Variants in COL1A1 observed in about 807,000 individuals in gnomAD.
COL1A1 encodes the protein collagen alpha-1(I) chain.
A neutral mutation model predicts 195.7 loss-of-function variants in COL1A1; 21 were observed. The observed-to-expected ratio is 0.11, with a 90% CI of 0.08 to 0.15. The LOEUF (loss-of-function observed/expected upper bound fraction) is 0.15. Ranked by LOEUF, COL1A1 falls within the 10% of genes least tolerant of loss-of-function variation. The pLI is 1.00. For synonymous variants in COL1A1, 749 were observed against 747.3 expected (o/e 1.00, Z -0.04); for missense variants, 1,365 against 2,051.0 (o/e 0.67, Z 6.46).
Position 50,195,497 on chromosome 17 carries a change from A to G in COL1A1, c.1156-19T>C. On this transcript the variant is annotated intron_variant, in intron 17 of 50. Coordinates refer to ENST00000225964, the MANE Select transcript of COL1A1 (RefSeq NM_000088.4). This position sits in a 1 kb window ranked among gnomAD's most constrained non-coding sequence, Gnocchi z 4.3. ...GGTTTCCCTGTGGCACAGAGAAAGG[A>G]GTGTCAGCAACAGGCAAGGACTCTG... The G allele has an allele frequency of 6.2e-7, 1 of 1,614,014 alleles. No individual in the cohort carries two copies. Among genetic ancestry groups the G allele is most frequent in the South Asian group, 1.1e-5 (1 of 91,070 alleles).
chr17:50,192,975 A>G lies in COL1A1; in HGVS notation c.1821+19T>C, dbSNP rs372792588. 3 of 1,613,386 alleles carry G rather than the reference A, an allele frequency of 1.9e-6. No homozygotes were observed. In the African/African-American group the frequency reaches 4.0e-5, roughly 22 times the overall value. ...GGGCAGCAATGGGAAGGAGGTAGGGATGGAAAGGAGATACTTACGACAGCG... is the reference window on the plus strand; with the variant it reads ...GGGCAGCAATGGGAAGGAGGTAGGGGTGGAAAGGAGATACTTACGACAGCG... On this transcript the variant is annotated intron_variant, in intron 26 of 50. Coordinates refer to ENST00000225964, the MANE Select transcript of COL1A1 (RefSeq NM_000088.4).
At chr17:50,187,711 C>A in intron 45 of COL1A1, 165 bp downstream of exon 45, 2 of 903,878 alleles carry the variant, frequency 2.2e-6, no homozygotes, top group Non-Finnish European at 3.5e-6. Flanking sequence ...CTCTGTGTAC[C>A]CCTCACCCTC....
rs968606802 is a variant in COL1A1, at chr17:50,197,734, C to T, written c.694G>A (p.Asp232Asn). The change falls in exon 9 of 51, where the codon GAT becomes AAT. Residue 232 changes from aspartate to asparagine, a missense_variant and splice_region_variant. By Grantham distance (23) the Asp-to-Asn change is conservative. Transcript: ENST00000225964. ...PPGPPGKNGD[D>N]GEAGKPGRPG... Reference sequence around the variant, plus strand: ...ATCTTCTTGCTGGGGATACTTACATCATCTCCATTCTTTCCAGGGGGACCT... The same window carrying T: ...ATCTTCTTGCTGGGGATACTTACATTATCTCCATTCTTTCCAGGGGGACCT... 1 of 1,587,876 alleles carries T rather than the reference C, an allele frequency of 6.3e-7. No individual in the cohort carries two copies. The highest frequency in any genetic ancestry group is 1.4e-5 in the African/African-American group (1 of 73,020).
rs1907070753 is a variant in COL1A1, at chr17:50,191,459, C to T, written c.2159G>A (p.Ser720Asn). The change falls in exon 32 of 51, where the codon AGC (serine) becomes AAC (asparagine). Residue 720 changes from serine (S) to asparagine (N), a missense_variant. By Grantham distance (46) the Ser-to-Asn change is conservative (BLOSUM62 1). Coordinates refer to ENST00000225964, the MANE Select transcript of COL1A1 (RefSeq NM_000088.4). ...GDAGAPGAPG[S>N]QGAPGLQGMP... ...TCCCTGAAGGCCAGGGGCGCCCTGGCTACCGGGAGCTCCAGGGGCACCAGC... is the reference window on the plus strand; with the variant it reads ...TCCCTGAAGGCCAGGGGCGCCCTGGTTACCGGGAGCTCCAGGGGCACCAGC... The T allele has an allele frequency of 1.9e-6, 3 of 1,606,200 alleles. No homozygotes were observed. Among genetic ancestry groups the T allele is most frequent in the African/African-American group, 1.3e-5 (1 of 74,420 alleles).
At chr17:50,192,357 T>C (rs923621926) in intron 29 of COL1A1, 118 bp downstream of exon 29, 2 of 1,210,888 alleles carry the variant, frequency 1.7e-6, no homozygotes, top group African/African-American at 1.5e-5. Context: ...GAGGAAGTTC[T>C]TTCCGGCGTC....
chr17:50,190,088 A>G lies in COL1A1; in HGVS notation c.2472T>C (p.Gly824=). The G allele has an allele frequency of 1.2e-6, 2 of 1,613,662 alleles. No homozygotes were observed. Among genetic ancestry groups the G allele is most frequent in the Non-Finnish European group, 1.7e-6 (2 of 1,179,914 alleles). ...CAGCATCACCAGGTTCGCCTTTAGC[A>G]CCAGGTTGGCCGTCAGCACCCTGGG... ...AGPPGADGQP[G]AKGEPGDAGA... is the part of the protein sequence containing the mutation. Residue 824 remains glycine, a synonymous_variant, in exon 36 of 51, where the codon GGT becomes GGC. Coordinates refer to ENST00000225964, the MANE Select transcript of COL1A1 (RefSeq NM_000088.4). The surrounding 1 kb of genome is among the most constrained non-coding windows in gnomAD (Gnocchi z 4.7).
intron 1 of COL1A1, 113 bp from the exon 2 acceptor site, chr17:50,200,060 C>A: frequency 8.5e-7 from 1 of 1,173,110 alleles, no homozygotes; most frequent in South Asian, 1.2e-5. Context: ...GCCCCTCCCC[C>A]CGTTCTTCTT....
chr17:50,197,297 G>T, intron 9 of COL1A1, 64 bp from the exon 10 acceptor site: 1 of 1,533,064 alleles, frequency 6.5e-7, no homozygotes, highest in Non-Finnish European at 9.0e-7. Flanking sequence ...GGCTGGAAAA[G>T]TGGAGAAGGT....
chr17:50,194,841 G>A lies in COL1A1; in HGVS notation c.1354-13C>T, dbSNP rs372034810. 38 of 1,567,392 alleles carry A rather than the reference G, an allele frequency of 2.4e-5. No individual in the cohort carries two copies. In the African/African-American group the frequency reaches 4.5e-4, roughly 18 times the overall value. ...CACCAACAGGGCCCTGGAGAGGGCCGAGAGGAGGAGGCGGCCTGTGGTGAG... is the reference window on the plus strand; with the variant it reads ...CACCAACAGGGCCCTGGAGAGGGCCAAGAGGAGGAGGCGGCCTGTGGTGAG... On this transcript the variant is annotated splice_polypyrimidine_tract_variant and intron_variant, in intron 20 of 50. Transcript: ENST00000225964. This position sits in a 1 kb window ranked among gnomAD's most constrained non-coding sequence, Gnocchi z 6.8.
At chr17:50,192,235 T>A (rs1907165815) in intron 29 of COL1A1, 1 of 721,044 alleles carries the variant, frequency 1.4e-6, no homozygotes, top group Non-Finnish European at 2.3e-6. Flanking sequence ...CCAAGATTTA[T>A]CAATAGAAGG....
rs758540991 is a variant in COL1A1, at chr17:50,195,182, G to T, written c.1299+50C>A. On this transcript the variant is annotated intron_variant, in intron 19 of 50. Transcript: ENST00000225964. This position sits in a 1 kb window ranked among gnomAD's most constrained non-coding sequence, Gnocchi z 4.3. ...TCTTCCTGCTCCCCAGATGAGAGCC[G>T]CACTGGAGCCAGTGCATGGGGTGGG... is the stretch of plus-strand genomic sequence containing the variant. The T allele has an allele frequency of 5.6e-6, 9 of 1,604,286 alleles. No individual in the cohort carries two copies. The highest frequency in any genetic ancestry group is 1.1e-5 in the South Asian group (1 of 90,804).
At position 50,199,250 on chromosome 17, in the gene COL1A1, AGGTCCGGGG is replaced by A. The variant is rs769867566; in HGVS notation, c.438_446del (p.Pro152_Gly154del). ...CTCCTCCGAGGCCAGGGGGTCCGGGAGGTCCGGGGGGTCCGGGGGGTCCGGGAAGTCCAG... is the reference window on the plus strand; with the variant it reads ...CTCCTCCGAGGCCAGGGGGTCCGGGAGGTCCGGGGGGTCCGGGAAGTCCAG... On this transcript the variant is annotated inframe_deletion, in exon 5 of 51. Coordinates refer to ENST00000225964, the MANE Select transcript of COL1A1 (RefSeq NM_000088.4). The A allele has an allele frequency of 7.3e-5, 107 of 1,471,532 alleles. No homozygotes were observed. The highest frequency in any genetic ancestry group is 1.2e-4 in the South Asian group (9 of 73,860). 91.2% of individuals were successfully genotyped at this position (1,471,532 alleles called of 1,614,324 possible).
rs72667021 is a variant in COL1A1 at position 50,198,442 on chromosome 17, AG to A, written c.533del (p.Pro178LeufsTer87). ...DEKSTGGISV[P>X]GPMGPSGPRG... Reference sequence around the variant, plus strand: ...CCCCCTGCTGGCTCACCATGGGGCCAGGCACGGAAATTCCTCCGGTTGATTT... The same window carrying A: ...CCCCCTGCTGGCTCACCATGGGGCCAGCACGGAAATTCCTCCGGTTGATTT... On this transcript the variant is annotated frameshift_variant, in exon 6 of 51. Transcript: ENST00000225964. LOFTEE classifies it high-confidence loss of function. 6.2e-7 allele frequency: 1 copy of A among 1,613,420 alleles called. No homozygotes were observed.
rs1174493665 is a variant in COL1A1, at chr17:50,189,562, T to C, written c.2668-24A>G. 1.2e-6 allele frequency: 2 copies of C among 1,612,310 alleles called. No homozygotes were observed. The highest frequency in any genetic ancestry group is 8.5e-7 in the Non-Finnish European group (1 of 1,179,496). On this transcript the variant is annotated intron_variant, in intron 38 of 50. Coordinates refer to ENST00000225964, the MANE Select transcript of COL1A1 (RefSeq NM_000088.4). This position sits in a 1 kb window ranked among gnomAD's most constrained non-coding sequence, Gnocchi z 5.5. Reference sequence around the variant, plus strand: ...CCCTGGATGAGGATAGGAGGGGCTGTCAGACTCCAGGGGGCTCTGGTGCAT... The same window carrying C: ...CCCTGGATGAGGATAGGAGGGGCTGCCAGACTCCAGGGGGCTCTGGTGCAT...
rs1191323992 is a variant in COL1A1, at chr17:50,197,056, C to T, written c.758G>A (p.Arg253Gln). 1.2e-6 allele frequency: 2 copies of T among 1,614,134 alleles called. No homozygotes were observed. The highest frequency in any genetic ancestry group is 1.7e-5 in the Admixed American group (1 of 60,028). ...GAGGCCAGCTGTTCCGGGCAATCCTCGAGCACCCTGGAGAGAGATGAAGAA... is the reference window on the plus strand; with the variant it reads ...GAGGCCAGCTGTTCCGGGCAATCCTTGAGCACCCTGGAGAGAGATGAAGAA... The part of the protein sequence containing the change: ...ERGPPGPQGA[R>Q]GLPGTAGLPG... Residue 253 changes from arginine (R) to glutamine (Q), a missense_variant, in exon 11 of 51, where the codon CGA becomes CAA. Arg to Gln is a conservative substitution (Grantham distance 43). Coordinates refer to ENST00000225964, the MANE Select transcript of COL1A1 (RefSeq NM_000088.4).
Position 50,190,330 on chromosome 17 carries a change from G to A in COL1A1, c.2448C>T (p.Pro816=). Residue 816 remains proline (P), a synonymous_variant, in exon 35 of 51, where the codon CCC becomes CCT. Coordinates refer to ENST00000225964, the MANE Select transcript of COL1A1 (RefSeq NM_000088.4). This position sits in a 1 kb window ranked among gnomAD's most constrained non-coding sequence, Gnocchi z 4.7. ...TGATGGGGGTCTTGGTACTCACAGGGGGGCCAGCAAAGCCAGCAGGGCCGG... is the reference window on the plus strand; with the variant it reads ...TGATGGGGGTCTTGGTACTCACAGGAGGGCCAGCAAAGCCAGCAGGGCCGG... The part of the protein sequence containing the change: ...GPPGPAGFAG[P]PGADGQPGAK... 6.3e-7 allele frequency: 1 copy of A among 1,592,820 alleles called. No individual in the cohort carries two copies. The highest frequency in any genetic ancestry group is 1.7e-4 in the Middle Eastern group (1 of 6,010).
At position 50,184,854 on chromosome 17, in the gene COL1A1, G is replaced by A; in HGVS notation, c.*648C>T. The A allele has an allele frequency of 4.3e-6, 1 of 230,948 alleles. No individual in the cohort carries two copies. Among genetic ancestry groups the A allele is most frequent in the Non-Finnish European group, 8.6e-6 (1 of 116,636 alleles). The allele number at this position is 230,948 out of a possible 1,614,324, so 14.3% of individuals were successfully genotyped here. On this transcript the variant is annotated 3_prime_UTR_variant, in exon 51 of 51. Coordinates refer to ENST00000225964, the MANE Select transcript of COL1A1 (RefSeq NM_000088.4). ...CCTGACTCTCCTCCGAACCCAGTGA[G>A]GGGCTGGTGGCTCCCCCGGCATGAC...
At position 50,188,666 on chromosome 17, in the gene COL1A1, C is replaced by T. The variant is rs1312132789; in HGVS notation, c.3100-29G>A. On this transcript the variant is annotated intron_variant, in intron 42 of 50. Coordinates refer to ENST00000225964, the MANE Select transcript of COL1A1 (RefSeq NM_000088.4). This position sits in a 1 kb window ranked among gnomAD's most constrained non-coding sequence, Gnocchi z 5.6. ...GCGGGGAGAGCAGGGGAATATGGGT[C>T]AGCCCCGGGTGAAGGGCCAGGATGG... 2 of 1,613,158 alleles carry T rather than the reference C, an allele frequency of 1.2e-6. No individual in the cohort carries two copies. The highest frequency in any genetic ancestry group is 1.7e-6 in the Non-Finnish European group (2 of 1,179,412).
In COL1A1 at chr17:50,196,654, T is replaced by A. The variant is rs771674885; in HGVS notation, c.821A>T (p.Asp274Val). The A allele has an allele frequency of 6.2e-7, 1 of 1,614,124 alleles. No homozygotes were observed. Among genetic ancestry groups the A allele is most frequent in the South Asian group, 1.1e-5 (1 of 91,078 alleles). ...AGGACCAGCATCTCCCTTGGCACCA[T>A]CCAAACCACTGAAACCCTAAAGCAG... ...MKGHRGFSGL[D>V]GAKGDAGPAG... Residue 274 changes from aspartate to valine, a missense_variant, in exon 12 of 51, where the codon GAT becomes GTT. This residue lies in a region of COL1A1 where 226 missense variants were observed against 372.9 expected (regional missense o/e 0.61). Coordinates refer to ENST00000225964, the MANE Select transcript of COL1A1 (RefSeq NM_000088.4).
Sources: allele counts gnomAD v4.1 joint callset, GRCh38; gene constraint gnomAD v4.1.1; regional missense constraint gnomAD v4.1.1; non-coding constraint Gnocchi (gnomAD v3.1); transcripts MANE v1.5; gene names NCBI Gene and HGNC (gene_info 2026-07-23, HGNC 2026-07-21).